FERMT1: variants seen among roughly 807,000 people sequenced by gnomAD.
FERMT1 encodes FERM domain containing kindlin 1.
Under a neutral mutation model 85.3 loss-of-function variants are expected in FERMT1, and 60 were observed. The ratio of observed to expected loss-of-function variants is 0.70; its 90% confidence interval spans 0.57 to 0.87. The LOEUF (loss-of-function observed/expected upper bound fraction) is 0.87. Ranked by LOEUF, FERMT1 falls within the 40% of genes least tolerant of loss-of-function variation. The probability of loss-of-function intolerance (pLI) is 0.00; values close to 1 mark genes in which losing one functional copy is unlikely to be tolerated. For synonymous variants in FERMT1, 275 were observed against 301.1 expected (o/e 0.91, Z 0.90); for missense variants, 701 against 818.9 (o/e 0.86, Z 1.76).
intron 14 of FERMT1, among the ~76,000 whole-genome samples, chr20:6,078,645 T>G (rs182325689): frequency 1.5e-5 from 2 of 136,394 alleles, no homozygotes; most frequent in African/African-American, 5.4e-5. Flanking sequence ...TTTTTTTTTT[T>G]GTTTTTTTTT....
chr20:6,105,498 T>C (rs1982773859), intron 6 of FERMT1, among the ~76,000 whole-genome samples: 1 of 152,228 alleles, frequency 6.6e-6, no homozygotes, highest in Non-Finnish European at 1.5e-5. Flanking sequence ...TCCTTCTGTA[T>C]GCCAGTTGTT....
chr20:6,101,917 A>G (rs1327159962), intron 6 of FERMT1, among the ~76,000 whole-genome samples: 1 of 152,110 alleles, frequency 6.6e-6, no homozygotes. Flanking sequence ...CAGCCTCCCA[A>G]AGTGCTGGGA....
chr20:6,089,782 T>C (rs190844819), intron 9 of FERMT1, among the ~76,000 whole-genome samples: 5 of 152,296 alleles, frequency 3.3e-5, no homozygotes, highest in Admixed American at 6.5e-5. Context: ...TTGGTATCTG[T>C]TGGGGCCAGA....
chr20:6,093,927 G>C (rs1178519923), intron 9 of FERMT1: 1 of 152,240 alleles, frequency 6.6e-6, no homozygotes, highest in Non-Finnish European at 1.5e-5. Flanking sequence ...TTGCACTCTA[G>C]CCTGGGTAAT....
intron 5 of FERMT1, 70 bp from the exon 6 acceptor site, chr20:6,107,704 A>G: frequency 2.7e-6 from 2 of 751,838 alleles, no homozygotes; most frequent in Non-Finnish European, 2.3e-6. Context: ...TTATTATGTC[A>G]TATATTATAT....
chr20:6,077,931 C>T (rs960832330), intron 14 of FERMT1, among the ~76,000 whole-genome samples: 118 of 152,206 alleles, frequency 7.8e-4, no homozygotes, highest in African/African-American at 1.9e-4. Flanking sequence ...ATCCATGCCT[C>T]GGACCCCCAA....
intron 2 of FERMT1, among the ~76,000 whole-genome samples, chr20:6,118,802 A>C (rs1308920408): frequency 6.7e-6 from 1 of 149,860 alleles, no homozygotes; most frequent in Non-Finnish European, 1.5e-5. Context: ...CTAAGCTCTC[A>C]AGTATTAACA....
intron 1 of FERMT1, among the ~76,000 whole-genome samples, chr20:6,121,567 C>T (rs1452307448): frequency 6.6e-6 from 1 of 152,376 alleles, no homozygotes; most frequent in East Asian, 1.9e-4. Context: ...TCATCAGCTT[C>T]AGGTATCATT....
At chr20:6,095,915 T>C (rs573413739) in intron 8 of FERMT1, among the ~76,000 whole-genome samples, 15 of 152,246 alleles carry the variant, frequency 9.9e-5, no homozygotes, top group Non-Finnish European at 2.2e-4. Context: ...CATCTAATTA[T>C]GGTGGACCCA....
Position 6,094,993 on chromosome 20 carries a change from GA to G in FERMT1, c.1090-6del. 6.6e-7 allele frequency: 1 copy of G among 1,514,140 alleles called. No homozygotes were observed. The highest frequency in any genetic ancestry group is 9.2e-7 in the Non-Finnish European group (1 of 1,088,984). 93.8% of individuals were successfully genotyped at this position (1,514,140 alleles called of 1,614,324 possible). ...AGGGATATCAGTAATGTCCTCCTAA[GA>G]AAAAACAAATAAAGTTTCAAAAGCA... On this transcript the variant is annotated splice_region_variant and splice_polypyrimidine_tract_variant and intron_variant, in intron 8 of 14. Coordinates refer to ENST00000217289, the MANE Select transcript of FERMT1 (RefSeq NM_017671.5).
At chr20:6,097,448 A>G in intron 7 of FERMT1, 76 bp downstream of exon 7, 1 of 985,214 alleles carries the variant, frequency 1.0e-6, no homozygotes, top group African/African-American at 1.6e-5. Context: ...AAAAACCAGT[A>G]TGAAGCATAT....
chr20:6,093,833 G>A (rs1005918881), intron 9 of FERMT1, among the ~76,000 whole-genome samples: 1 of 152,212 alleles, frequency 6.6e-6, no homozygotes. Context: ...ATGGGCACCT[G>A]TAATCCCAGC....
rs980565611 is a variant in FERMT1 at position 6,076,334 on chromosome 20, G to A, written c.*839C>T. 13 of 439,036 alleles carry A rather than the reference G, an allele frequency of 3.0e-5. No individual in the cohort carries two copies. Among genetic ancestry groups the A allele is most frequent in the Non-Finnish European group, 4.6e-5 (10 of 219,132 alleles). The allele number at this position is 439,036 out of a possible 1,614,324, so 27.2% of individuals were successfully genotyped here. On this transcript the variant is annotated 3_prime_UTR_variant, in exon 15 of 15. Transcript: ENST00000217289. ...TCTATGAACAGAGAGGACTGTGCCT[G>A]TCTTCCTGAATCCCAACCCAGAGTA...
rs139647105 is a variant in FERMT1, at chr20:6,104,571, A to G, written c.849+2961T>C. Among the ~76,000 whole-genome samples, 450 of 152,322 alleles carry G rather than the reference A, an allele frequency of 3.0e-3. 2 individuals are homozygous for G. Among genetic ancestry groups the G allele is most frequent in the African/African-American group, 0.01 (428 of 41,562 alleles). On this transcript the variant is annotated intron_variant, in intron 6 of 14. Transcript: ENST00000217289. This position sits in a 1 kb window ranked among gnomAD's most constrained non-coding sequence, Gnocchi z 4.2. ...GTGTCCTCCAATGCCATGTCCCATT[A>G]TCCTGAGTCTTCCTGTCACCTTTGG... is the stretch of plus-strand genomic sequence containing the variant.
intron 2 of FERMT1, among the ~76,000 whole-genome samples, chr20:6,117,316 T>C (rs1394987144): frequency 6.6e-6 from 1 of 152,142 alleles, no homozygotes; most frequent in Non-Finnish European, 1.5e-5. Context: ...TTGCCCAGGC[T>C]GGAGTGCAGT....
At chr20:6,106,239 T>C (rs982717991) in intron 6 of FERMT1, among the ~76,000 whole-genome samples, 2 of 152,074 alleles carry the variant, frequency 1.3e-5, no homozygotes, top group African/African-American at 4.8e-5. Context: ...GTCCACAGGA[T>C]AAAAATCAAG....
At position 6,088,967 on chromosome 20, in the gene FERMT1, C is replaced by T. The variant is rs781688885; in HGVS notation, c.1262G>A (p.Arg421Lys). The T allele has an allele frequency of 4.3e-6, 7 of 1,610,864 alleles. No individual in the cohort carries two copies. Among genetic ancestry groups the T allele is most frequent in the Non-Finnish European group, 5.9e-6 (7 of 1,177,808 alleles). The change falls in exon 10 of 15, where the codon AGA becomes AAA. Residue 421 changes from arginine to lysine, a missense_variant and splice_region_variant. Coordinates refer to ENST00000217289, the MANE Select transcript of FERMT1 (RefSeq NM_017671.5). ...QGEPLEKLNL[R>K]GCEVVPDVNV... is the part of the protein sequence containing the mutation. ...AGCAAGATATAGGGTACTCTTACCT[C>T]TAAGATTTAGTTTTTCTAGTGGTTC...
At chr20:6,112,906 T>C (rs939928063) in intron 3 of FERMT1, among the ~76,000 whole-genome samples, 1 of 152,174 alleles carries the variant, frequency 6.6e-6, no homozygotes, top group Non-Finnish European at 1.5e-5. Flanking sequence ...AAGGGAATGG[T>C]ATAATGTCCC....
rs1982735723 is a variant in FERMT1 at position 6,104,082 on chromosome 20, G to A, written c.849+3450C>T. ...GATGGGGTTTCACCATGTTGGCCAG[G>A]CTAGTCTCGAACTTCTAACCTCAGG... On this transcript the variant is annotated intron_variant, in intron 6 of 14. Transcript: ENST00000217289. The surrounding 1 kb of genome is among the most constrained non-coding windows in gnomAD (Gnocchi z 4.2). Among the ~76,000 whole-genome samples the A allele has an allele frequency of 6.6e-6, 1 of 152,028 alleles. No homozygotes were observed. The highest frequency in any genetic ancestry group is 6.6e-5 in the Admixed American group (1 of 15,256).
Sources: allele counts gnomAD v4.1 joint callset (sites outside exome capture counted in the v4.1 genomes callset), GRCh38; gene constraint gnomAD v4.1.1; non-coding constraint Gnocchi (gnomAD v3.1); transcripts MANE v1.5; gene names NCBI Gene and HGNC (gene_info 2026-07-23, HGNC 2026-07-21).